The following CSMD1 variants were observed in gnomAD, a reference collection of about 807,000 sequenced individuals.
CSMD1 encodes CUB and Sushi multiple domains 1.
Under a neutral mutation model 417.5 loss-of-function variants are expected in CSMD1, and 213 were observed. The observed-to-expected ratio is 0.51, with a 90% CI of 0.46 to 0.57. The LOEUF is 0.57. Among genes scored for constraint, CSMD1 ranks in the 20% least tolerant of loss-of-function variants. CSMD1 has a pLI of 0.00. For missense variants in CSMD1, 6,923 were observed against 4,529.7 expected, an observed-to-expected ratio of 1.53 and a Z score of -15.17; for synonymous variants, 2,862 against 1,736.8, an observed-to-expected ratio of 1.65 and a Z score of -16.11.
intron 7 of CSMD1, among the ~76,000 whole-genome samples, chr8:3,690,671 A>T (rs1171581317): frequency 6.6e-6 from 1 of 152,112 alleles, no homozygotes; most frequent in Non-Finnish European, 1.5e-5. Flanking sequence ...GGCTGTGTGG[A>T]GTTGTAGGAA....
At chr8:2,955,125 G>A (rs1288066565) in intron 64 of CSMD1, among the ~76,000 whole-genome samples, 1 of 152,068 alleles carries the variant, frequency 6.6e-6, no homozygotes, top group African/African-American at 2.4e-5. Flanking sequence ...TCAATGTCAG[G>A]GACACATAAA....
intron 2 of CSMD1, among the ~76,000 whole-genome samples, chr8:4,552,122 T>C (rs573845756): frequency 2.0e-5 from 3 of 152,346 alleles, no homozygotes; most frequent in South Asian, 4.1e-4. Flanking sequence ...TGGGGTGTCT[T>C]AGAAGGCACA....
intron 3 of CSMD1, among the ~76,000 whole-genome samples, chr8:4,064,409 G>C (rs1265886975): frequency 6.6e-6 from 1 of 152,210 alleles, no homozygotes; most frequent in African/African-American, 2.4e-5. Flanking sequence ...TGAGAAGGTA[G>C]AGAATAAGTA....
chr8:4,209,231 C>A (rs1223354522), intron 3 of CSMD1, among the ~76,000 whole-genome samples: 2 of 152,144 alleles, frequency 1.3e-5, no homozygotes, highest in East Asian at 3.9e-4. Context: ...AAGACACTTG[C>A]CCAGATTTCT....
At chr8:4,708,867 G>C (rs999862655) in intron 1 of CSMD1, among the ~76,000 whole-genome samples, 2 of 152,142 alleles carry the variant, frequency 1.3e-5, no homozygotes, top group Non-Finnish European at 2.9e-5. Context: ...ATAAGAAAGG[G>C]AAATTAGAAT....
intron 1 of CSMD1, among the ~76,000 whole-genome samples, chr8:4,734,814 G>A (rs1234292047): frequency 6.6e-6 from 1 of 152,128 alleles, no homozygotes; most frequent in Non-Finnish European, 1.5e-5. Flanking sequence ...AAGGACCTGG[G>A]TATTTTCAGT....
chr8:3,919,321 C>G (rs1020310822), intron 5 of CSMD1, among the ~76,000 whole-genome samples: 8 of 151,436 alleles, frequency 5.3e-5, no homozygotes, highest in Non-Finnish European at 8.8e-5. Flanking sequence ...TTTGTGTGGT[C>G]TAACACGTGG....
intron 3 of CSMD1, among the ~76,000 whole-genome samples, chr8:4,089,682 T>C (rs1452637008): frequency 1.3e-5 from 2 of 152,204 alleles, no homozygotes; most frequent in South Asian, 2.1e-4. Flanking sequence ...GTGCTTAACA[T>C]ATAGAATGTG....
At chr8:4,865,834 T>C (rs1278454271) in intron 1 of CSMD1, among the ~76,000 whole-genome samples, 1 of 151,898 alleles carries the variant, frequency 6.6e-6, no homozygotes, top group Non-Finnish European at 1.5e-5. Flanking sequence ...TAATCTTCTT[T>C]CTTATGCATT....
At chr8:4,739,019 A>T (rs1164242193) in intron 1 of CSMD1, among the ~76,000 whole-genome samples, 1 of 152,084 alleles carries the variant, frequency 6.6e-6, no homozygotes, top group Non-Finnish European at 1.5e-5. Context: ...AAACAAGTTA[A>T]AAGTTAAAGG....
chr8:3,829,131 C>G lies in CSMD1; in HGVS notation c.819-75089G>C, dbSNP rs563163560. Among the ~76,000 whole-genome samples the G allele has an allele frequency of 3.9e-5, 6 of 152,156 alleles. No homozygotes were observed. In the East Asian group the frequency reaches 1.2e-3, roughly 29 times the overall value. On this transcript the variant is annotated intron_variant, in intron 5 of 69. Transcript: ENST00000635120. ...ATGAGAACCTGGTGCACCCATCACCCAAGCAGTGTACACTGCACTCTATTT... is the reference window on the plus strand; with the variant it reads ...ATGAGAACCTGGTGCACCCATCACCGAAGCAGTGTACACTGCACTCTATTT...
At chr8:4,203,984 C>T (rs892203234) in intron 3 of CSMD1, among the ~76,000 whole-genome samples, 4 of 152,096 alleles carry the variant, frequency 2.6e-5, no homozygotes, top group East Asian at 3.9e-4. Context: ...GCCTGTGGTC[C>T]CAGCTACTCG....
chr8:3,989,283 T>C (rs1439706213), intron 5 of CSMD1, among the ~76,000 whole-genome samples: 1 of 152,174 alleles, frequency 6.6e-6, no homozygotes, highest in Non-Finnish European at 1.5e-5. Flanking sequence ...TCAGAAGTCA[T>C]AAAACCAAGA....
At chr8:4,537,355 T>A (rs551837559) in intron 2 of CSMD1, among the ~76,000 whole-genome samples, 1 of 152,200 alleles carries the variant, frequency 6.6e-6, no homozygotes, top group East Asian at 1.9e-4. Flanking sequence ...GATTATTATA[T>A]AAAGAAAGTT....
At chr8:3,367,362 G>C in intron 19 of CSMD1, 115 bp from the exon 20 acceptor site, 1 of 667,572 alleles carries the variant, frequency 1.5e-6, no homozygotes, top group South Asian at 1.8e-5. Flanking sequence ...CAGAGATGGA[G>C]AGGAAGAGAA....
At chr8:4,757,709 A>G (rs976922525) in intron 1 of CSMD1, among the ~76,000 whole-genome samples, 2 of 152,162 alleles carry the variant, frequency 1.3e-5, no homozygotes, top group Non-Finnish European at 2.9e-5. Flanking sequence ...CTGTAATCCT[A>G]TCACTTTGGG....
intron 1 of CSMD1, among the ~76,000 whole-genome samples, chr8:4,742,424 A>T (rs973543954): frequency 6.6e-6 from 1 of 151,930 alleles, no homozygotes; most frequent in Non-Finnish European, 1.5e-5. Flanking sequence ...TACTCTGGTC[A>T]TTTTTCTTAT....
intron 5 of CSMD1, among the ~76,000 whole-genome samples, chr8:3,886,904 T>C (rs1423078295): frequency 6.6e-6 from 1 of 152,192 alleles, no homozygotes; most frequent in Non-Finnish European, 1.5e-5. Context: ...TCACTGAGCA[T>C]AAACACAGCC....
chr8:4,993,678 C>G (rs1811601004), intron 1 of CSMD1, among the ~76,000 whole-genome samples: 1 of 152,182 alleles, frequency 6.6e-6, no homozygotes, highest in Non-Finnish European at 1.5e-5. Flanking sequence ...GCCTGTTTCA[C>G]GCACCTTGCC....
Sources: allele counts gnomAD v4.1 joint callset (sites outside exome capture counted in the v4.1 genomes callset), GRCh38; gene constraint gnomAD v4.1.1; transcripts MANE v1.5; gene names NCBI Gene and HGNC (gene_info 2026-07-23, HGNC 2026-07-21).